The following ARSI variants were observed in gnomAD, a reference collection of about 807,000 sequenced individuals.
ARSI encodes the protein arylsulfatase family member I, also known as arylsulfatase I.
In ARSI, 37 loss-of-function variants were observed where a neutral mutation model predicts 42.1. That is an observed-to-expected ratio of 0.88 (90% CI 0.68 to 1.16). The LOEUF (loss-of-function observed/expected upper bound fraction) is 1.16. Among genes scored for constraint, ARSI ranks in the 50% most tolerant of loss-of-function variants. ARSI has a pLI of 0.00. For missense variants in ARSI, 725 were observed against 790.1 expected (o/e 0.92, Z 0.99); for synonymous variants, 305 against 320.3 (o/e 0.95, Z 0.51).
At chr5:150,299,986 A>C (rs1171709502) in intron 1 of ARSI, among the ~76,000 whole-genome samples, 3 of 152,120 alleles carry the variant, frequency 2.0e-5, no homozygotes, top group Non-Finnish European at 4.4e-5. Context: ...GCCTTTACTC[A>C]AGTCTTGAAA....
intron 1 of ARSI, 37 bp from the exon 2 acceptor site, chr5:150,298,649 T>G: frequency 6.4e-7 from 1 of 1,563,908 alleles, no homozygotes; most frequent in Non-Finnish European, 8.7e-7. Context: ...AAGGCACAGG[T>G]AAGCTACAGA....
At position 150,297,638 on chromosome 5, in the gene ARSI, C is replaced by T; in HGVS notation, c.1286G>A (p.Gly429Glu). 6.2e-7 allele frequency: 1 copy of T among 1,612,662 alleles called. No homozygotes were observed. The highest frequency in any genetic ancestry group is 2.2e-5 in the East Asian group (1 of 44,878). ...IRVGEWKLLT[G>E]DPGYGDWIPP... is the part of the protein sequence containing the mutation. ...GATCCAATCGCCATAGCCGGGGTCT[C>T]CTGTCAGCAGCTTCCACTCACCCAC... Residue 429 changes from glycine to glutamate, a missense_variant, in exon 2 of 2, where the codon GGA becomes GAA. Physicochemically the swap from Gly to Glu is moderately conservative, Grantham distance 98. Coordinates refer to ENST00000328668, the MANE Select transcript of ARSI (RefSeq NM_001012301.4). This position sits in a 1 kb window ranked among gnomAD's most constrained non-coding sequence, Gnocchi z 7.0.
At position 150,297,485 on chromosome 5, in the gene ARSI, T is replaced by G; in HGVS notation, c.1439A>C (p.Gln480Pro). ...CAGGGTGCGGACCACATCAGGCCGCTGGCCAGCCAGGTCCTCCCGTTCATA... is the reference window on the plus strand; with the variant it reads ...CAGGGTGCGGACCACATCAGGCCGCGGGCCAGCCAGGTCCTCCCGTTCATA... The part of the protein sequence containing the change: ...DPYEREDLAG[Q>P]RPDVVRTLLA... The change falls in exon 2 of 2, where the codon CAG becomes CCG. Residue 480 changes from glutamine (Q) to proline (P), a missense_variant. Coordinates refer to ENST00000328668, the MANE Select transcript of ARSI (RefSeq NM_001012301.4). The surrounding 1 kb of genome is among the most constrained non-coding windows in gnomAD (Gnocchi z 7.0). 1 of 1,613,746 alleles carries G rather than the reference T, an allele frequency of 6.2e-7. No homozygotes were observed.
chr5:150,297,525 T>G lies in ARSI; in HGVS notation c.1399A>C (p.Ile467Leu), dbSNP rs772163346. Residue 467 changes from isoleucine (I) to leucine (L), a missense_variant, in exon 2 of 2, where the codon ATC becomes CTC. By Grantham distance (5) the Ile-to-Leu change is conservative. Coordinates refer to ENST00000328668, the MANE Select transcript of ARSI (RefSeq NM_001012301.4). This position sits in a 1 kb window ranked among gnomAD's most constrained non-coding sequence, Gnocchi z 7.0. ...TCCCGTTCATAAGGGTCAGCACTGA[T>G]GTTGAAGAGCCACACGGCCTGGCGG... ...SVRQAVWLFN[I>L]SADPYEREDL... The G allele has an allele frequency of 1.4e-5, 22 of 1,613,560 alleles. No homozygotes were observed. The highest frequency in any genetic ancestry group is 1.9e-5 in the Non-Finnish European group (22 of 1,179,930).
Position 150,302,548 on chromosome 5 carries a change from C to T in ARSI, c.-175G>A. 2.1e-6 allele frequency: 1 copy of T among 472,134 alleles called. No homozygotes were observed. The highest frequency in any genetic ancestry group is 3.4e-6 in the Non-Finnish European group (1 of 291,044). The allele number at this position is 472,134 out of a possible 1,614,324, so 29.2% of individuals were successfully genotyped here. A position where few individuals can be genotyped will look rare whatever the true frequency, so the allele number is the denominator to read the frequency against. On this transcript the variant is annotated 5_prime_UTR_variant, in exon 1 of 2. Coordinates refer to ENST00000328668, the MANE Select transcript of ARSI (RefSeq NM_001012301.4). This position sits in a 1 kb window ranked among gnomAD's most constrained non-coding sequence, Gnocchi z 6.1. Reference sequence around the variant, plus strand: ...CTGCCGGACGGCTGGGCCGGATCTGCTCGGCCGCAGCGGGGCGCTCTGGGG... The same window carrying T: ...CTGCCGGACGGCTGGGCCGGATCTGTTCGGCCGCAGCGGGGCGCTCTGGGG...
Position 150,297,181 on chromosome 5 carries a change from T to C in ARSI, c.*33A>G. 6.5e-7 allele frequency: 1 copy of C among 1,528,860 alleles called. No individual in the cohort carries two copies. Among genetic ancestry groups the C allele is most frequent in the Non-Finnish European group, 8.8e-7 (1 of 1,139,638 alleles). The allele number at this position is 1,528,860 out of a possible 1,614,324, so 94.7% of individuals were successfully genotyped here. A position where few individuals can be genotyped will look rare whatever the true frequency, so the allele number is the denominator to read the frequency against. On this transcript the variant is annotated 3_prime_UTR_variant, in exon 2 of 2. Coordinates refer to ENST00000328668, the MANE Select transcript of ARSI (RefSeq NM_001012301.4). This position sits in a 1 kb window ranked among gnomAD's most constrained non-coding sequence, Gnocchi z 7.0. The stretch of plus-strand genomic sequence containing the variant: ...CAGGGCCAAGCCGGAGTGGGGAAGA[T>C]CCTCTAAAGGACAGTTTTCTCCCTC...
rs748567389 is a variant in ARSI at position 150,298,582 on chromosome 5, G to C, written c.342C>G (p.Ser114=). 5 of 1,612,388 alleles carry C rather than the reference G, an allele frequency of 3.1e-6. No individual in the cohort carries two copies. In the East Asian group the frequency reaches 1.1e-4, roughly 36 times the overall value. The change falls in exon 2 of 2, where the codon TCC becomes TCG. Residue 114 remains serine, a synonymous_variant. Coordinates refer to ENST00000328668, the MANE Select transcript of ARSI (RefSeq NM_001012301.4). ...RYQIHTGLQH[S]IIRPQQPNCL... ...AGTTGGGCTGCTGTGGGCGGATGAT[G>C]GAATGCTGGAGTCCTGTGTGGATCT...
At position 150,297,903 on chromosome 5, in the gene ARSI, T is replaced by C. The variant is rs764033909; in HGVS notation, c.1021A>G (p.Ser341Gly). ...SPLLKRKQRT[S>G]RALMHITDWY... ...TCAGTGATGTGCATCAGTGCCCGGCTTGTCCGTTGCTTTCGCTTGAGCAGG... is the reference window on the plus strand; with the variant it reads ...TCAGTGATGTGCATCAGTGCCCGGCCTGTCCGTTGCTTTCGCTTGAGCAGG... The change falls in exon 2 of 2, where the codon AGC becomes GGC. Residue 341 changes from serine to glycine, a missense_variant. Transcript: ENST00000328668. The surrounding 1 kb of genome is among the most constrained non-coding windows in gnomAD (Gnocchi z 7.0). 6.2e-7 allele frequency: 1 copy of C among 1,612,182 alleles called. No homozygotes were observed. The highest frequency in any genetic ancestry group is 8.5e-7 in the Non-Finnish European group (1 of 1,179,368).
chr5:150,299,454 C>A (rs928009922), intron 1 of ARSI, among the ~76,000 whole-genome samples: 2 of 152,092 alleles, frequency 1.3e-5, no homozygotes, highest in Non-Finnish European at 2.9e-5. Flanking sequence ...TCCTAGCACC[C>A]AAGTGATGTT....
chr5:150,297,974 G>A lies in ARSI; in HGVS notation c.950C>T (p.Thr317Ile), dbSNP rs1254892306. ...GCCCCGCACGCCACCTTCCCAATAA[G>A]TGCCCTTGCGTCCTCGGAGCGGCCA... ...SNWPLRGRKGTYWEGGVRGLG... is the reference protein window; with the variant it reads ...SNWPLRGRKGIYWEGGVRGLG... The change falls in exon 2 of 2, where the codon ACT (threonine) becomes ATT (isoleucine). Residue 317 changes from threonine to isoleucine, a missense_variant. Physicochemically the swap from Thr to Ile is moderately conservative, Grantham distance 89 (BLOSUM62 -1). Coordinates refer to ENST00000328668, the MANE Select transcript of ARSI (RefSeq NM_001012301.4). This position sits in a 1 kb window ranked among gnomAD's most constrained non-coding sequence, Gnocchi z 7.0. 3.7e-6 allele frequency: 6 copies of A among 1,612,440 alleles called. No homozygotes were observed. The South Asian group carries it at 4.4e-5, about 12-fold the overall frequency.
intron 1 of ARSI, among the ~76,000 whole-genome samples, chr5:150,298,838 A>G (rs1757871194): frequency 6.6e-6 from 1 of 152,200 alleles, no homozygotes; most frequent in Admixed American, 6.5e-5. Flanking sequence ...CGTTTTACAG[A>G]TGAGGAGATT....
intron 1 of ARSI, 131 bp from the exon 2 acceptor site, chr5:150,298,743 C>A (rs1243604003): frequency 1.4e-6 from 1 of 737,314 alleles, no homozygotes; most frequent in Non-Finnish European, 2.2e-6. Context: ...ATAACAGTAA[C>A]CACCAGGTAC....
At position 150,297,182 on chromosome 5, in the gene ARSI, C is replaced by T. The variant is rs765205891; in HGVS notation, c.*32G>A. 6.5e-7 allele frequency: 1 copy of T among 1,530,882 alleles called. No homozygotes were observed. Among genetic ancestry groups the T allele is most frequent in the East Asian group, 2.3e-5 (1 of 44,246 alleles). 94.8% of individuals were successfully genotyped at this position (1,530,882 alleles called of 1,614,324 possible). ...AGGGCCAAGCCGGAGTGGGGAAGAT[C>T]CTCTAAAGGACAGTTTTCTCCCTCC... is the stretch of plus-strand genomic sequence containing the variant. On this transcript the variant is annotated 3_prime_UTR_variant, in exon 2 of 2. Transcript: ENST00000328668. This position sits in a 1 kb window ranked among gnomAD's most constrained non-coding sequence, Gnocchi z 7.0.
At position 150,298,520 on chromosome 5, in the gene ARSI, A is replaced by G. The variant is rs893740176; in HGVS notation, c.404T>C (p.Leu135Pro). ...PLDQVTLPQK[L>P]QEAGYSTHMV... Reference sequence around the variant, plus strand: ...ATGGGTGGAATAACCTGCCTCCTGCAGCTTCTGTGGCAGTGTCACCTGGTC... The same window carrying G: ...ATGGGTGGAATAACCTGCCTCCTGCGGCTTCTGTGGCAGTGTCACCTGGTC... The change falls in exon 2 of 2, where the codon CTG (leucine) becomes CCG (proline). Residue 135 changes from leucine (L) to proline (P), a missense_variant. Physicochemically the swap from Leu to Pro is moderately conservative, Grantham distance 98. Coordinates refer to ENST00000328668, the MANE Select transcript of ARSI (RefSeq NM_001012301.4). The G allele has an allele frequency of 1.5e-5, 24 of 1,614,104 alleles. No homozygotes were observed. The highest frequency in any genetic ancestry group is 2.0e-5 in the Non-Finnish European group (24 of 1,180,050).
chr5:150,297,167 C>T lies in ARSI; in HGVS notation c.*47G>A, dbSNP rs996457477. On this transcript the variant is annotated 3_prime_UTR_variant, in exon 2 of 2. Coordinates refer to ENST00000328668, the MANE Select transcript of ARSI (RefSeq NM_001012301.4). The surrounding 1 kb of genome is among the most constrained non-coding windows in gnomAD (Gnocchi z 7.0). ...TCCCTGAGAAACAGCAGGGCCAAGCCGGAGTGGGGAAGATCCTCTAAAGGA... is the reference window on the plus strand; with the variant it reads ...TCCCTGAGAAACAGCAGGGCCAAGCTGGAGTGGGGAAGATCCTCTAAAGGA... 1.6e-5 allele frequency: 24 copies of T among 1,523,008 alleles called. No homozygotes were observed. The highest frequency in any genetic ancestry group is 1.1e-4 in the African/African-American group (8 of 71,840). 94.3% of individuals were successfully genotyped at this position (1,523,008 alleles called of 1,614,324 possible).
In ARSI at chr5:150,297,994, C is replaced by A. The variant is rs140546154; in HGVS notation, c.930G>T (p.Pro310=). ...AATAAGTGCCCTTGCGTCCTCGGAG[C>A]GGCCAGTTGCTGCCCCCCGAGAAAG... ...GQTFSGGSNW[P]LRGRKGTYWE... Residue 310 remains proline, a synonymous_variant, in exon 2 of 2, where the codon CCG becomes CCT. Coordinates refer to ENST00000328668, the MANE Select transcript of ARSI (RefSeq NM_001012301.4). This position sits in a 1 kb window ranked among gnomAD's most constrained non-coding sequence, Gnocchi z 7.0. 5 of 1,612,322 alleles carry A rather than the reference C, an allele frequency of 3.1e-6. 1 individual carries two copies. The South Asian group carries it at 4.4e-5, about 14-fold the overall frequency.
chr5:150,299,862 C>T (rs1757891111), intron 1 of ARSI, among the ~76,000 whole-genome samples: 1 of 152,136 alleles, frequency 6.6e-6, no homozygotes, highest in African/African-American at 2.4e-5. Context: ...CAGGCTATCA[C>T]CCTGAGGCAG....
Position 150,299,097 on chromosome 5 carries a change from C to T in ARSI, c.312-485G>A, listed in dbSNP as rs1757875413. On this transcript the variant is annotated intron_variant, in intron 1 of 1. Coordinates refer to ENST00000328668, the MANE Select transcript of ARSI (RefSeq NM_001012301.4). ...AGGCTTGGTAAATTAAATTAGTTGCCCGGTGACTCACACGGCTAGTAGTTG... is the reference window on the plus strand; with the variant it reads ...AGGCTTGGTAAATTAAATTAGTTGCTCGGTGACTCACACGGCTAGTAGTTG... 2.0e-5 allele frequency among the ~76,000 whole-genome samples: 3 copies of T among 152,228 alleles called. No homozygotes were observed. In the South Asian group the frequency reaches 6.2e-4, roughly 32 times the overall value.
rs780152906 is a variant in ARSI, at chr5:150,298,362, C to T, written c.562G>A (p.Val188Met). Residue 188 changes from valine to methionine, a missense_variant, in exon 2 of 2, where the codon GTG becomes ATG. Val to Met is a conservative substitution (Grantham distance 21, BLOSUM62 1). Transcript: ENST00000328668. ...YTYDNCDGPG[V>M]CGFDLHEGEN... ...CCCTCGTGCAGGTCGAAGCCGCACA[C>T]GCCTGGGCCATCACAGTTGTCATAG... 27 of 1,614,186 alleles carry T rather than the reference C, an allele frequency of 1.7e-5. No homozygotes were observed. The highest frequency in any genetic ancestry group is 6.7e-5 in the African/African-American group (5 of 75,068).
Sources: gnomAD v4.1 joint callset for allele counts (sites outside exome capture counted in the v4.1 genomes callset) on GRCh38, gnomAD v4.1.1 for gene constraint, Gnocchi (gnomAD v3.1) non-coding constraint, MANE v1.5 for transcripts, NCBI Gene and HGNC (gene_info 2026-07-23, HGNC 2026-07-21) for gene names.